Variants in SULT1C2 observed in about 807,000 individuals in gnomAD.
SULT1C2 encodes sulfotransferase 1C2.
Under a neutral mutation model 36.0 loss-of-function variants are expected in SULT1C2, and 27 were observed. The observed-to-expected ratio is 0.75, with a 90% CI of 0.55 to 1.03. The LOEUF is 1.03. Ranked by LOEUF, SULT1C2 falls within the 50% of genes least tolerant of loss-of-function variation. The pLI is 0.00. For synonymous variants in SULT1C2, 121 were observed against 116.0 expected, an observed-to-expected ratio of 1.04 and a Z score of -0.27; for missense variants, 395 against 359.2, an observed-to-expected ratio of 1.10 and a Z score of -0.80.
At chr2:108,301,511 G>A (rs1419963309) in intron 4 of SULT1C2, 1 of 152,384 alleles carries the variant, frequency 6.6e-6, no homozygotes, top group Admixed American at 6.5e-5. Flanking sequence ...AACCCGGGAG[G>A]CGGAGCTTGC....
chr2:108,294,477 C>CTCTCTCCCTCCCTCTCTCCTTCCTCT (rs1558677281), intron 3 of SULT1C2, 123 bp downstream of exon 3: 17 of 265,672 alleles, frequency 6.4e-5, no homozygotes, highest in Non-Finnish European at 9.4e-5. Flanking sequence ...CCTTCCTCTT[C>CTCTCTCCCTCCCTCTCTCCTTCCTCT]TCTTTCTCTC....
intron 1 of SULT1C2, among the ~76,000 whole-genome samples, chr2:108,291,596 T>G (rs190098850): frequency 7.2e-5 from 11 of 152,164 alleles, no homozygotes; most frequent in Admixed American, 7.2e-4. Flanking sequence ...ATGTATAACT[T>G]TAAATTCACA....
In SULT1C2 at chr2:108,289,036, C is replaced by G. The variant is rs1558675162; in HGVS notation, c.-56C>G. The G allele has an allele frequency of 6.6e-6, 1 of 152,568 alleles. No homozygotes were observed. Among genetic ancestry groups the G allele is most frequent in the African/African-American group, 2.4e-5 (1 of 41,418 alleles). The allele number at this position is 152,568 out of a possible 1,614,324, so 9.5% of individuals were successfully genotyped here. A position where few individuals can be genotyped will look rare whatever the true frequency, so the allele number is the denominator to read the frequency against. On this transcript the variant is annotated 5_prime_UTR_variant, in exon 1 of 8. Transcript: ENST00000251481. ...CCGTGCCCACTGACCCTTGAGTGGGCCTTTGAGCTGCTGACTTTCAGCTGG... is the reference window on the plus strand; with the variant it reads ...CCGTGCCCACTGACCCTTGAGTGGGGCTTTGAGCTGCTGACTTTCAGCTGG...
At chr2:108,290,222 C>A (rs1366390149) in intron 1 of SULT1C2, among the ~76,000 whole-genome samples, 2 of 152,160 alleles carry the variant, frequency 1.3e-5, no homozygotes, top group Non-Finnish European at 2.9e-5. Flanking sequence ...TATGGAGGAC[C>A]TTCTCACTGT....
At position 108,294,319 on chromosome 2, in the gene SULT1C2, C is replaced by T; in HGVS notation, c.242C>T (p.Pro81Leu). The T allele has an allele frequency of 6.2e-7, 1 of 1,614,008 alleles. No homozygotes were observed. Among genetic ancestry groups the T allele is most frequent in the South Asian group, 1.1e-5 (1 of 91,048 alleles). ...CGAGCCATCATCCAACACCGCCATC[C>T]TTTCATTGAGTGGGCTCGGCCACCC... ...CQRAIIQHRH[P>L]FIEWARPPQP... Residue 81 changes from proline (P) to leucine (L), a missense_variant, in exon 3 of 8, where the codon CCT becomes CTT. Transcript: ENST00000251481.
chr2:108,298,237 A>G (rs927627186), intron 3 of SULT1C2, among the ~76,000 whole-genome samples: 5 of 151,952 alleles, frequency 3.3e-5, no homozygotes, highest in Non-Finnish European at 5.9e-5. Context: ...CTCTGCCACT[A>G]TTTTTCTTTT....
chr2:108,300,839 T>G lies in SULT1C2; in HGVS notation c.279T>G (p.Gly93=). ...IEWARPPQPS[G]VEKAKAMPSP... Reference sequence around the variant, plus strand: ...GTTTCCTCTTGAGCTATTTTAAAGGTGTGGAAAAAGCCAAAGCAATGCCCT... The same window carrying G: ...GTTTCCTCTTGAGCTATTTTAAAGGGGTGGAAAAAGCCAAAGCAATGCCCT... The change falls in exon 4 of 8, where the codon GGT becomes GGG. Residue 93 remains glycine (G), a splice_region_variant and synonymous_variant. Transcript: ENST00000251481. 6.2e-7 allele frequency: 1 copy of G among 1,614,146 alleles called. No homozygotes were observed. Among genetic ancestry groups the G allele is most frequent in the Non-Finnish European group, 8.5e-7 (1 of 1,180,024 alleles).
At chr2:108,305,037 G>T in intron 5 of SULT1C2, 135 bp from the exon 6 acceptor site, 1 of 1,006,158 alleles carries the variant, frequency 9.9e-7, no homozygotes. Context: ...AAATCAAACA[G>T]ATCAGAACCC....
rs1558681517 is a variant in SULT1C2 at position 108,305,405 on chromosome 2, C to G, written c.598-10C>G. The G allele has an allele frequency of 6.2e-7, 1 of 1,613,204 alleles. No individual in the cohort carries two copies. The highest frequency in any genetic ancestry group is 8.5e-7 in the Non-Finnish European group (1 of 1,179,510). On this transcript the variant is annotated splice_polypyrimidine_tract_variant and intron_variant, in intron 6 of 7. Transcript: ENST00000251481. ...TCATTCATTCCAGTCCAATGTTACC[C>G]TTGCCGCAGGACCCAAAGCATGAAA...
At chr2:108,298,559 T>C (rs1270176489) in intron 3 of SULT1C2, 2 of 260,840 alleles carry the variant, frequency 7.7e-6, no homozygotes. Flanking sequence ...GGTATTTTTT[T>C]TTTTTAGAGA....
At chr2:108,290,642 A>G (rs541284313) in intron 1 of SULT1C2, among the ~76,000 whole-genome samples, 1 of 152,320 alleles carries the variant, frequency 6.6e-6, no homozygotes, top group South Asian at 2.1e-4. Context: ...GTGAAGAAAT[A>G]GAAAGGCAAG....
At chr2:108,290,728 A>G (rs1414828198) in intron 1 of SULT1C2, among the ~76,000 whole-genome samples, 5 of 152,144 alleles carry the variant, frequency 3.3e-5, no homozygotes, top group Non-Finnish European at 7.4e-5. Flanking sequence ...ATCCACCCTT[A>G]TGGCCCAAAC....
intron 4 of SULT1C2, chr2:108,303,278 G>C (rs1036437389): frequency 2.0e-5 from 3 of 152,626 alleles, no homozygotes; most frequent in African/African-American, 7.2e-5. Flanking sequence ...GTGTGTCCTC[G>C]CAGATACCTA....
At chr2:108,294,157 G>A (rs1474109546) in intron 2 of SULT1C2, 72 bp from the exon 3 acceptor site, 121 of 1,580,788 alleles carry the variant, frequency 7.7e-5, no homozygotes, top group Non-Finnish European at 9.3e-5. Context: ...CATCCTCTTC[G>A]TTTACTCGGG....
intron 1 of SULT1C2, among the ~76,000 whole-genome samples, chr2:108,292,207 C>A (rs1018592341): frequency 1.3e-5 from 2 of 152,184 alleles, no homozygotes; most frequent in Admixed American, 1.3e-4. Context: ...TACAAGGCCT[C>A]AGCCCAGCGT....
chr2:108,294,108 C>A, intron 2 of SULT1C2, 121 bp from the exon 3 acceptor site: 1 of 1,510,028 alleles, frequency 6.6e-7, no homozygotes, highest in South Asian at 1.3e-5. Context: ...AAACAGGATT[C>A]TGACCCAAGG....
intron 3 of SULT1C2, chr2:108,300,172 A>G (rs562956024): frequency 1.3e-5 from 2 of 152,452 alleles, no homozygotes; most frequent in African/African-American, 2.4e-5. Flanking sequence ...AGGTCACCAG[A>G]TCGAGACCAG....
chr2:108,300,990 G>A, intron 4 of SULT1C2, 55 bp downstream of exon 4: 1 of 1,606,964 alleles, frequency 6.2e-7, no homozygotes, highest in Non-Finnish European at 8.5e-7. Context: ...ACCAAAGCGA[G>A]TCCTGCAGAC....
chr2:108,308,426 A>T lies in SULT1C2; in HGVS notation c.853A>T (p.Met285Leu), dbSNP rs1677075342. The T allele has an allele frequency of 1.7e-5, 27 of 1,605,792 alleles. No individual in the cohort carries two copies. The highest frequency in any genetic ancestry group is 2.3e-5 in the Non-Finnish European group (27 of 1,179,624). ...GTTTGATGAAATCTATAGAAGAAAG[A>T]TGGAAGGAACCTCCATAAACTTCTG... ...ERFDEIYRRKMEGTSINFCME... is the reference protein window; with the variant it reads ...ERFDEIYRRKLEGTSINFCME... Residue 285 changes from methionine to leucine, a missense_variant, in exon 8 of 8, where the codon ATG (methionine) becomes TTG (leucine). By Grantham distance (15) the Met-to-Leu change is conservative. Coordinates refer to ENST00000251481, the MANE Select transcript of SULT1C2 (RefSeq NM_001056.4).
Sources: gnomAD v4.1 joint callset for allele counts (sites outside exome capture counted in the v4.1 genomes callset) on GRCh38, gnomAD v4.1.1 for gene constraint, MANE v1.5 for transcripts, NCBI Gene and HGNC (gene_info 2026-07-23, HGNC 2026-07-21) for gene names.